The following IL1RL2 variants were observed in gnomAD, a reference collection of about 807,000 sequenced individuals.
IL1RL2 encodes interleukin 1 receptor like 2.
Under a neutral mutation model 66.8 loss-of-function variants are expected in IL1RL2, and 68 were observed. The observed-to-expected ratio is 1.02, with a 90% CI of 0.84 to 1.25. The LOEUF is 1.25. Among genes scored for constraint, IL1RL2 ranks in the 50% most tolerant of loss-of-function variants. The pLI is 0.00. For missense variants in IL1RL2, 729 were observed against 709.3 expected (o/e 1.03, Z -0.32); for synonymous variants, 305 against 264.6 (o/e 1.15, Z -1.48).
rs1307831611 is a variant in IL1RL2, at chr2:102,189,151, C to G, written c.134C>G (p.Pro45Arg). ...SQPFAFNCTF[P>R]PITSGEVSVT... Reference sequence around the variant, plus strand: ...CCTTTTGCTTTTAATTGTACATTCCCTCCCATAACATCTGGGGAAGTCAGT... The same window carrying G: ...CCTTTTGCTTTTAATTGTACATTCCGTCCCATAACATCTGGGGAAGTCAGT... The change falls in exon 3 of 12, where the codon CCT becomes CGT. Residue 45 changes from proline (P) to arginine (R), a missense_variant. Transcript: ENST00000264257. The G allele has an allele frequency of 6.2e-7, 1 of 1,614,100 alleles. No individual in the cohort carries two copies.
chr2:102,228,845 GC>G (rs1474446789), intron 9 of IL1RL2, among the ~76,000 whole-genome samples: 2 of 152,192 alleles, frequency 1.3e-5, no homozygotes, highest in Admixed American at 6.5e-5. Context: ...AGAGAACATG[GC>G]TTTTTCTGAG....
chr2:102,192,145 A>G (rs1377680219), intron 4 of IL1RL2, 25 bp downstream of exon 4: 1 of 1,471,022 alleles, frequency 6.8e-7, no homozygotes, highest in Non-Finnish European at 9.2e-7. Context: ...TCTTATTGAT[A>G]TTTTTCCTCC....
chr2:102,189,074 A>G lies in IL1RL2; in HGVS notation c.59-2A>G. ...TGTTTTGTTTTGTTTTTCTTTCCCT[A>G]GATGGATGCAAGGACATTTTTATGA... is the stretch of plus-strand genomic sequence containing the variant. On this transcript the variant is annotated splice_acceptor_variant, in intron 2 of 11. Coordinates refer to ENST00000264257, the MANE Select transcript of IL1RL2 (RefSeq NM_003854.4). LOFTEE classifies it high-confidence loss of function. 1.9e-6 allele frequency: 3 copies of G among 1,608,092 alleles called. No individual in the cohort carries two copies. The highest frequency in any genetic ancestry group is 2.6e-6 in the Non-Finnish European group (3 of 1,175,012).
chr2:102,217,006 C>T lies in IL1RL2; in HGVS notation c.725-1947C>T, dbSNP rs559552721. On this transcript the variant is annotated intron_variant, in intron 6 of 11. Transcript: ENST00000264257. ...CTAGAGTCTTGAAAGATTTACATAGCGCCATTTCAGAATTGAGATATTCTG... is the reference window on the plus strand; with the variant it reads ...CTAGAGTCTTGAAAGATTTACATAGTGCCATTTCAGAATTGAGATATTCTG... 2.6e-4 allele frequency among the ~76,000 whole-genome samples: 39 copies of T among 152,200 alleles called. 2 individuals are homozygous for T. Among genetic ancestry groups the T allele is most frequent in the African/African-American group, 8.4e-4 (35 of 41,526 alleles).
At chr2:102,240,108 T>C (rs991180178), downstream of IL1RL2, 2 of 152,196 alleles carry the variant, frequency 1.3e-5, no homozygotes, top group African/African-American at 4.8e-5. Flanking sequence ...AATTAGCTTG[T>C]CAACATTCAA....
chr2:102,191,959 C>A lies in IL1RL2; in HGVS notation c.328C>A (p.Leu110Ile). 6.2e-7 allele frequency: 1 copy of A among 1,612,564 alleles called. No individual in the cohort carries two copies. The highest frequency in any genetic ancestry group is 1.1e-5 in the South Asian group (1 of 90,768). ...CAGCTGTCATAGAATACATGTAAACCTAACTGTTTTTGAAAAACATTGGTG... is the reference window on the plus strand; with the variant it reads ...CAGCTGTCATAGAATACATGTAAACATAACTGTTTTTGAAAAACATTGGTG... ...RDSCHRIHVNLTVFEKHWCDT... is the reference protein window; with the variant it reads ...RDSCHRIHVNITVFEKHWCDT... The change falls in exon 4 of 12, where the codon CTA becomes ATA. Residue 110 changes from leucine to isoleucine, a missense_variant. Physicochemically the swap from Leu to Ile is conservative, Grantham distance 5. Coordinates refer to ENST00000264257, the MANE Select transcript of IL1RL2 (RefSeq NM_003854.4).
intron 9 of IL1RL2, among the ~76,000 whole-genome samples, chr2:102,231,945 C>G (rs974851951): frequency 6.6e-6 from 1 of 152,098 alleles, no homozygotes; most frequent in Non-Finnish European, 1.5e-5. Context: ...GACAGTGCTT[C>G]GTCATACAGG....
chr2:102,203,889 T>G (rs1302513493), intron 5 of IL1RL2, among the ~76,000 whole-genome samples: 1 of 152,106 alleles, frequency 6.6e-6, no homozygotes, highest in African/African-American at 2.4e-5. Flanking sequence ...CTTCTGTGTT[T>G]TTTTCATTTC....
intron 5 of IL1RL2, among the ~76,000 whole-genome samples, chr2:102,204,193 A>G (rs1688506583): frequency 4.6e-5 from 7 of 152,084 alleles, no homozygotes; most frequent in Admixed American, 4.6e-4. Flanking sequence ...ATAGTTTCCA[A>G]AATTCCTCTC....
chr2:102,217,582 G>A (rs4851560), intron 6 of IL1RL2, among the ~76,000 whole-genome samples: 42,618 of 151,868 alleles, frequency 0.28, 6,609 homozygotes, highest in East Asian at 0.38. Flanking sequence ...ATGAAAACAG[G>A]CACATAGATC....
chr2:102,202,555 A>C (rs891114524), intron 5 of IL1RL2, among the ~76,000 whole-genome samples: 1 of 151,658 alleles, frequency 6.6e-6, no homozygotes, highest in Non-Finnish European at 1.5e-5. Context: ...GAGATCTTTC[A>C]CTTCTTTGGT....
intron 4 of IL1RL2, among the ~76,000 whole-genome samples, chr2:102,200,841 G>A (rs1243410584): frequency 1.3e-5 from 2 of 152,120 alleles, no homozygotes; most frequent in Non-Finnish European, 2.9e-5. Context: ...TTGGGTGTGA[G>A]GTTGTTGCCT....
At position 102,232,980 on chromosome 2, in the gene IL1RL2, G is replaced by A. The variant is rs770693121; in HGVS notation, c.1153G>A (p.Ala385Thr). Residue 385 changes from alanine to threonine, a missense_variant, in exon 10 of 12, where the codon GCC becomes ACC. By Grantham distance (58) the Ala-to-Thr change is moderately conservative. Coordinates refer to ENST00000264257, the MANE Select transcript of IL1RL2 (RefSeq NM_003854.4). ...ETIVDGKLYD[A>T]YVLYPKPHKE... Reference sequence around the variant, plus strand: ...CTTTTCAGATGGGAAGCTGTATGACGCCTATGTCTTATACCCCAAGCCCCA... The same window carrying A: ...CTTTTCAGATGGGAAGCTGTATGACACCTATGTCTTATACCCCAAGCCCCA... 10 of 1,613,190 alleles carry A rather than the reference G, an allele frequency of 6.2e-6. No individual in the cohort carries two copies. Among genetic ancestry groups the A allele is most frequent in the Admixed American group, 1.7e-5 (1 of 59,932 alleles).
intron 7 of IL1RL2, 63 bp from the exon 8 acceptor site, chr2:102,219,818 G>T: frequency 6.9e-7 from 1 of 1,459,638 alleles, no homozygotes; most frequent in Non-Finnish European, 9.4e-7. Context: ...CCAGAAAACA[G>T]ATTATAAAAT....
At chr2:102,187,454 C>T (rs1383333506) in intron 1 of IL1RL2, 2 of 1,007,446 alleles carry the variant, frequency 2.0e-6, no homozygotes, top group South Asian at 2.2e-5. Flanking sequence ...CTCCGTGCGC[C>T]GCGAGCGGGG....
At chr2:102,238,280 C>A (rs1443403849) in intron 11 of IL1RL2, among the ~76,000 whole-genome samples, 1 of 152,142 alleles carries the variant, frequency 6.6e-6, no homozygotes, top group Non-Finnish European at 1.5e-5. Flanking sequence ...TTTGGTATCT[C>A]CCCTCAAATA....
chr2:102,206,638 C>T (rs553420552), intron 5 of IL1RL2, among the ~76,000 whole-genome samples: 2 of 152,222 alleles, frequency 1.3e-5, no homozygotes, highest in Non-Finnish European at 2.9e-5. Flanking sequence ...GTGACACAGG[C>T]ACCACTTTGG....
chr2:102,187,400 G>T, intron 1 of IL1RL2: 2 of 1,137,640 alleles, frequency 1.8e-6, no homozygotes, highest in South Asian at 1.9e-5. Flanking sequence ...TGTTTAGACC[G>T]CCAGGCTCGG....
chr2:102,238,501 C>G (rs1001038353), intron 11 of IL1RL2, among the ~76,000 whole-genome samples: 5 of 152,200 alleles, frequency 3.3e-5, no homozygotes, highest in African/African-American at 1.2e-4. Context: ...CCCCCACACC[C>G]ATCAGCACCC....
Sources: allele counts gnomAD v4.1 joint callset (sites outside exome capture counted in the v4.1 genomes callset), GRCh38; gene constraint gnomAD v4.1.1; transcripts MANE v1.5; gene names NCBI Gene and HGNC (gene_info 2026-07-23, HGNC 2026-07-21).